GSE1: variants seen among roughly 807,000 people sequenced by gnomAD.
GSE1 encodes genetic suppressor element 1.
A neutral mutation model predicts 112.6 loss-of-function variants in GSE1; 32 were observed. The ratio of observed to expected loss-of-function variants is 0.28; its 90% CI spans 0.21 to 0.38. The LOEUF is 0.38. GSE1 is among the 10% of genes least tolerant of loss of function. The pLI, the probability that GSE1 is intolerant of heterozygous loss-of-function variation, is 1.00. For missense variants in GSE1, 2,348 were observed against 1,699.2 expected (o/e 1.38, Z -6.71); for synonymous variants, 1,115 against 735.6 (o/e 1.52, Z -8.35).
chr16:85,511,591 G>A (rs2051748917), intron 2 of GSE1, among the ~76,000 whole-genome samples: 1 of 152,046 alleles, frequency 6.6e-6, no homozygotes, highest in Non-Finnish European at 1.5e-5. Context: ...CTGAACCTGT[G>A]TATGTGAACT....
In GSE1 at chr16:85,665,983, C is replaced by A; in HGVS notation, c.2766C>A (p.Ala922=). Residue 922 remains alanine (A), a synonymous_variant, in exon 13 of 16, where the codon GCC becomes GCA. Transcript: ENST00000253458. ...DSPAVSLSEP[A]TQQASLDVEK... is the part of the protein sequence containing the mutation. Reference sequence around the variant, plus strand: ...TCACTTTGTCTCTAAAAGAACCAGCCACGCAGCAAGCCTCTCTGGATGTGG... The same window carrying A: ...TCACTTTGTCTCTAAAAGAACCAGCAACGCAGCAAGCCTCTCTGGATGTGG... 1 of 1,613,074 alleles carries A rather than the reference C, an allele frequency of 6.2e-7. No homozygotes were observed. The highest frequency in any genetic ancestry group is 8.5e-7 in the Non-Finnish European group (1 of 1,179,864).
intron 2 of GSE1, among the ~76,000 whole-genome samples, chr16:85,421,753 G>A (rs1342997775): frequency 1.3e-5 from 2 of 152,120 alleles, no homozygotes; most frequent in Non-Finnish European, 1.5e-5. Context: ...CGTCCTGGGT[G>A]GAGGCTTAGG....
intron 1 of GSE1, among the ~76,000 whole-genome samples, chr16:85,290,590 C>T (rs2045180169): frequency 6.6e-6 from 1 of 152,158 alleles, no homozygotes; most frequent in Non-Finnish European, 1.5e-5. Flanking sequence ...AAAATCCAGG[C>T]CACACAGCAC....
At chr16:85,567,847 C>CA (rs1357071351) in intron 1 of GSE1, among the ~76,000 whole-genome samples, 3 of 152,284 alleles carry the variant, frequency 2.0e-5, no homozygotes, top group Admixed American at 1.3e-4. Flanking sequence ...CTCAGCCTCC[C>CA]AAGTAGCTGG....
At chr16:85,257,538 TTAAAAGA>T (rs1423711804) in intron 1 of GSE1, among the ~76,000 whole-genome samples, 1 of 152,244 alleles carries the variant, frequency 6.6e-6, no homozygotes, top group African/African-American at 2.4e-5. Context: ...TACAGAAGTC[TTAAAAGA>T]TAATGAAAAA....
chr16:85,556,654 G>GC (rs1180472207), intron 1 of GSE1, among the ~76,000 whole-genome samples: 2 of 151,076 alleles, frequency 1.3e-5, no homozygotes, highest in Non-Finnish European at 3.0e-5. Context: ...CGCCGCGGCG[G>GC]CGGAGCGAGC....
intron 2 of GSE1, among the ~76,000 whole-genome samples, chr16:85,523,103 C>T (rs771903678): frequency 3.4e-5 from 5 of 148,250 alleles, no homozygotes; most frequent in Non-Finnish European, 7.5e-5. Context: ...GTGTTGTGTG[C>T]GTGTGGTTGT....
At chr16:85,203,614 A>G (rs2075067137) in intron 1 of GSE1, among the ~76,000 whole-genome samples, 1 of 152,236 alleles carries the variant, frequency 6.6e-6, no homozygotes, top group Non-Finnish European at 1.5e-5. Context: ...TAGGCAGCCA[A>G]GGCCAAGCAG....
intron 8 of GSE1, among the ~76,000 whole-genome samples, chr16:85,658,691 C>T (rs577594467): frequency 6.6e-5 from 10 of 152,346 alleles, no homozygotes; most frequent in Admixed American, 2.0e-4. Flanking sequence ...TCCCAGCCCC[C>T]GTCCCTGAGG....
chr16:85,401,156 A>G (rs4255771), intron 2 of GSE1, among the ~76,000 whole-genome samples: 142,128 of 152,226 alleles, frequency 0.93, 66,876 homozygotes, highest in Non-Finnish European at 1. Context: ...GGGGAGGGGC[A>G]ATGGGGGCCC....
intron 1 of GSE1, among the ~76,000 whole-genome samples, chr16:85,248,521 CCTCTCTCT>C (rs60595401): frequency 6.7e-6 from 1 of 149,146 alleles, no homozygotes; most frequent in Non-Finnish European, 1.5e-5. Flanking sequence ...TCCCTCTTTG[CCTCTCTCT>C]CTCTCTCTCT....
At chr16:85,537,392 C>T (rs2151198538) in intron 2 of GSE1, among the ~76,000 whole-genome samples, 1 of 152,348 alleles carries the variant, frequency 6.6e-6, no homozygotes, top group African/African-American at 2.4e-5. Flanking sequence ...TCGGTGACTC[C>T]TGGACCTGAG....
At chr16:85,508,125 T>C (rs1275722370) in intron 2 of GSE1, among the ~76,000 whole-genome samples, 2 of 152,150 alleles carry the variant, frequency 1.3e-5, no homozygotes, top group African/African-American at 4.8e-5. Context: ...ATGTCCGTCC[T>C]CGGGTTCAAG....
chr16:85,338,754 A>G (rs75661820), intron 1 of GSE1, among the ~76,000 whole-genome samples: 11,940 of 151,826 alleles, frequency 0.079, 618 homozygotes, highest in East Asian at 0.15. Flanking sequence ...CATTTTACAG[A>G]TGAGGAAGCT....
At chr16:85,401,222 A>T (rs2048107630) in intron 2 of GSE1, among the ~76,000 whole-genome samples, 1 of 152,166 alleles carries the variant, frequency 6.6e-6, no homozygotes, top group South Asian at 2.1e-4. Context: ...GCGGCTCCTG[A>T]TTTCACATTA....
intron 2 of GSE1, among the ~76,000 whole-genome samples, chr16:85,639,912 C>T (rs746814497): frequency 2.6e-5 from 4 of 152,290 alleles, no homozygotes; most frequent in Non-Finnish European, 5.9e-5. Flanking sequence ...CCTTGCGTGT[C>T]CTCAGCTGCT....
chr16:85,380,579 C>A (rs1417932409), intron 2 of GSE1, among the ~76,000 whole-genome samples: 1 of 152,086 alleles, frequency 6.6e-6, no homozygotes, highest in Non-Finnish European at 1.5e-5. Flanking sequence ...CCTCTCATCC[C>A]TCATGGTCGA....
In GSE1 at chr16:85,491,628, T is replaced by C. The variant is rs377630585; in HGVS notation, c.2464+133985T>C. Among the ~76,000 whole-genome samples the C allele has an allele frequency of 3.9e-5, 6 of 152,064 alleles. No individual in the cohort carries two copies. In the East Asian group the frequency reaches 1.2e-3, roughly 30 times the overall value. ...AGGAGCTTGGGCTCAGGCGGGGTCATGGCCCGCCTGAGGAGTCAGACATGA... is the reference window on the plus strand; with the variant it reads ...AGGAGCTTGGGCTCAGGCGGGGTCACGGCCCGCCTGAGGAGTCAGACATGA... On this transcript the variant is annotated intron_variant, in intron 2 of 2. Coordinates refer to the GSE1 transcript ENST00000637419.
At chr16:85,253,388 A>G (rs1019054359) in intron 1 of GSE1, among the ~76,000 whole-genome samples, 3 of 152,068 alleles carry the variant, frequency 2.0e-5, no homozygotes, top group Non-Finnish European at 4.4e-5. Context: ...GATCCTGCAG[A>G]GCTGCAGCCT....
Sources: gnomAD v4.1 joint callset for allele counts (sites outside exome capture counted in the v4.1 genomes callset) on GRCh38, gnomAD v4.1.1 for gene constraint, MANE v1.5 for transcripts, NCBI Gene and HGNC (gene_info 2026-07-23, HGNC 2026-07-21) for gene names.